PBX3: variants seen among roughly 807,000 people sequenced by gnomAD.
The protein encoded by PBX3 is pre-B-cell leukemia transcription factor 3.
PBX3 carries 14 observed loss-of-function variants against 48.5 expected under a neutral mutation model. That is an observed-to-expected ratio of 0.29 (90% CI 0.19 to 0.45). PBX3 has a LOEUF of 0.45. Among genes scored for constraint, PBX3 ranks in the 20% least tolerant of loss-of-function variants. The pLI is 1.00. For synonymous variants in PBX3, 210 were observed against 200.3 expected, an observed-to-expected ratio of 1.05 and a Z score of -0.41; for missense variants, 386 against 546.7, an observed-to-expected ratio of 0.71 and a Z score of 2.93.
intron 2 of PBX3, among the ~76,000 whole-genome samples, chr9:125,872,373 A>G (rs1344898952): frequency 5.9e-5 from 9 of 152,230 alleles, no homozygotes; most frequent in Admixed American, 5.9e-4. Context: ...CTTATTTACA[A>G]GAGACATCCC....
chr9:125,819,800 T>C (rs1838594631), intron 2 of PBX3, among the ~76,000 whole-genome samples: 1 of 152,200 alleles, frequency 6.6e-6, no homozygotes, highest in South Asian at 2.1e-4. Context: ...TTAGAATCTT[T>C]TAATACGAAA....
chr9:125,949,528 G>A (rs932322411), intron 5 of PBX3: 3 of 1,427,932 alleles, frequency 2.1e-6, no homozygotes, highest in Non-Finnish European at 2.8e-6. Context: ...CCTATACTGT[G>A]TATATATATA....
At chr9:125,852,377 A>G (rs1449699945) in intron 2 of PBX3, among the ~76,000 whole-genome samples, 1 of 151,954 alleles carries the variant, frequency 6.6e-6, no homozygotes, top group Non-Finnish European at 1.5e-5. Flanking sequence ...TTTTCCCTTT[A>G]TAGTAAAATG....
intron 4 of PBX3, among the ~76,000 whole-genome samples, chr9:125,932,467 C>T (rs956124520): frequency 2.0e-5 from 3 of 152,118 alleles, no homozygotes; most frequent in Non-Finnish European, 4.4e-5. Context: ...ATTTGCATTC[C>T]CCACAATTCT....
chr9:125,843,286 T>C (rs1014476359), intron 2 of PBX3, among the ~76,000 whole-genome samples: 1 of 152,194 alleles, frequency 6.6e-6, no homozygotes, highest in African/African-American at 2.4e-5. Flanking sequence ...ATCATAAATA[T>C]CTTCAATTGA....
At chr9:125,853,720 A>G (rs1240305829) in intron 2 of PBX3, among the ~76,000 whole-genome samples, 1 of 152,194 alleles carries the variant, frequency 6.6e-6, no homozygotes, top group Admixed American at 6.5e-5. Flanking sequence ...CTTATTAAAG[A>G]TTGCAACTAT....
chr9:125,855,547 A>G (rs1839697965), intron 2 of PBX3, among the ~76,000 whole-genome samples: 1 of 152,164 alleles, frequency 6.6e-6, no homozygotes, highest in Non-Finnish European at 1.5e-5. Flanking sequence ...CCTTCAAATG[A>G]TAAATATCCC....
In PBX3 at chr9:125,748,929, CTTGT is replaced by C. The variant is rs993117025; in HGVS notation, c.274+311_274+314del. ...GCCGCCCTCTTCCCTCTCCTTTCGCCTTGTTTGTGTGTCAGTTTTTAAAAGGAGC... is the reference window on the plus strand; with the variant it reads ...GCCGCCCTCTTCCCTCTCCTTTCGCCTTGTGTGTCAGTTTTTAAAAGGAGC... On this transcript the variant is annotated intron_variant, in intron 2 of 8. Transcript: ENST00000373489. 6 of 268,726 alleles carry C rather than the reference CTTGT, an allele frequency of 2.2e-5. No homozygotes were observed. In the South Asian group the frequency reaches 2.8e-4, roughly 13 times the overall value. The allele number at this position is 268,726 out of a possible 1,614,324, so 16.6% of individuals were successfully genotyped here. A position where few individuals can be genotyped will look rare whatever the true frequency, so the allele number is the denominator to read the frequency against.
intron 2 of PBX3, among the ~76,000 whole-genome samples, chr9:125,892,487 C>G (rs1840671599): frequency 6.6e-6 from 1 of 152,170 alleles, no homozygotes; most frequent in South Asian, 2.1e-4. Flanking sequence ...TACATGGTAT[C>G]ATTAGCTTTG....
At chr9:125,923,847 T>G (rs1378453382) in intron 3 of PBX3, among the ~76,000 whole-genome samples, 1 of 151,872 alleles carries the variant, frequency 6.6e-6, no homozygotes, top group Non-Finnish European at 1.5e-5. Flanking sequence ...ATTACAGGTG[T>G]GAACCACTGC....
intron 2 of PBX3, among the ~76,000 whole-genome samples, chr9:125,828,953 A>G (rs760146980): frequency 1.1e-4 from 17 of 152,194 alleles, no homozygotes; most frequent in Non-Finnish European, 1.9e-4. Flanking sequence ...GCCTTATATC[A>G]AAACCACATG....
intron 5 of PBX3, among the ~76,000 whole-genome samples, chr9:125,953,038 C>A (rs1016300137): frequency 6.6e-6 from 1 of 151,616 alleles, no homozygotes; most frequent in Admixed American, 6.6e-5. Context: ...AATGCCCTTT[C>A]TTCCTTTTTT....
intron 2 of PBX3, among the ~76,000 whole-genome samples, chr9:125,910,238 TC>T (rs1406441080): frequency 1.3e-5 from 2 of 152,134 alleles, no homozygotes; most frequent in African/African-American, 4.8e-5. Context: ...CCTCTGATTT[TC>T]CAAATAGAAA....
intron 2 of PBX3, among the ~76,000 whole-genome samples, chr9:125,760,889 A>G: frequency 6.6e-6 from 1 of 152,204 alleles, no homozygotes; most frequent in East Asian, 1.9e-4. Context: ...TAAAAAGTAA[A>G]TGTTCTACAT....
chr9:125,939,758 C>T (rs1244416125), intron 5 of PBX3, among the ~76,000 whole-genome samples: 1 of 152,164 alleles, frequency 6.6e-6, no homozygotes, highest in African/African-American at 2.4e-5. Flanking sequence ...AAAGAATGAT[C>T]TACAAGTATC....
intron 2 of PBX3, among the ~76,000 whole-genome samples, chr9:125,794,921 A>T (rs563240028): frequency 6.6e-6 from 1 of 152,192 alleles, no homozygotes; most frequent in African/African-American, 2.4e-5. Context: ...TTTGCACTGA[A>T]TGAGCCATTA....
intron 2 of PBX3, among the ~76,000 whole-genome samples, chr9:125,848,476 T>C (rs1839488578): frequency 6.6e-6 from 1 of 152,046 alleles, no homozygotes; most frequent in Admixed American, 6.6e-5. Context: ...CCTCAATATC[T>C]AGTACTGTGG....
At chr9:125,773,359 A>C (rs1836990418) in intron 2 of PBX3, among the ~76,000 whole-genome samples, 1 of 152,186 alleles carries the variant, frequency 6.6e-6, no homozygotes, top group Non-Finnish European at 1.5e-5. Context: ...TCCTTTCAGA[A>C]AGCCTTTTGA....
At chr9:125,838,336 C>T (rs945435368) in intron 2 of PBX3, among the ~76,000 whole-genome samples, 1 of 152,116 alleles carries the variant, frequency 6.6e-6, no homozygotes, top group African/African-American at 2.4e-5. Context: ...AGTGATGAGC[C>T]GCTGCACCTG....
Sources: allele counts gnomAD v4.1 joint callset (sites outside exome capture counted in the v4.1 genomes callset), GRCh38; gene constraint gnomAD v4.1.1; transcripts MANE v1.5; gene names NCBI Gene and HGNC (gene_info 2026-07-23, HGNC 2026-07-21).